SMAP1: variants seen among roughly 807,000 people sequenced by gnomAD.
SMAP1 encodes the protein stromal membrane-associated protein 1.
A neutral mutation model predicts 58.5 loss-of-function variants in SMAP1; 24 were observed. That is an observed-to-expected ratio of 0.41 (90% CI 0.30 to 0.58). SMAP1 has a LOEUF of 0.58. SMAP1 is among the 20% of genes least tolerant of loss of function. The probability of loss-of-function intolerance (pLI) is 0.29; values close to 1 mark genes in which losing one functional copy is unlikely to be tolerated. For synonymous variants in SMAP1, 216 were observed against 196.6 expected (o/e 1.10, Z -0.82); for missense variants, 563 against 566.3 (o/e 0.99, Z 0.06).
intron 5 of SMAP1, among the ~76,000 whole-genome samples, chr6:70,792,660 C>T (rs1419979017): frequency 6.6e-6 from 1 of 151,934 alleles, no homozygotes; most frequent in Non-Finnish European, 1.5e-5. Flanking sequence ...TGGAAACTAG[C>T]CTGTGAAAAA....
intron 6 of SMAP1, among the ~76,000 whole-genome samples, chr6:70,834,128 T>A (rs186059379): frequency 2.1e-3 from 318 of 152,318 alleles, no homozygotes; most frequent in Admixed American, 3.0e-3. Context: ...TCAATTTAGC[T>A]TTTTCTTTCC....
intron 3 of SMAP1, among the ~76,000 whole-genome samples, chr6:70,765,716 A>G (rs1287613288): frequency 6.6e-6 from 1 of 151,422 alleles, no homozygotes; most frequent in Non-Finnish European, 1.5e-5. Flanking sequence ...ATTTGTATTC[A>G]CTTTTCTTTT....
intron 1 of SMAP1, among the ~76,000 whole-genome samples, chr6:70,709,713 T>C (rs1406519397): frequency 1.3e-5 from 2 of 152,216 alleles, no homozygotes; most frequent in Non-Finnish European, 2.9e-5. Flanking sequence ...TTTTGTGGTT[T>C]CATACAAATT....
intron 1 of SMAP1, among the ~76,000 whole-genome samples, chr6:70,673,027 T>C (rs750302627): frequency 4.6e-5 from 7 of 151,982 alleles, no homozygotes; most frequent in Non-Finnish European, 1.0e-4. Flanking sequence ...TTAGGAGATG[T>C]TGAACAGTGG....
At chr6:70,763,332 G>A (rs989892041) in intron 3 of SMAP1, among the ~76,000 whole-genome samples, 7 of 151,810 alleles carry the variant, frequency 4.6e-5, no homozygotes, top group South Asian at 2.1e-4. Context: ...TCAGGGCACT[G>A]GGAACTGCAC....
At chr6:70,813,527 C>T (rs1158608227) in intron 6 of SMAP1, among the ~76,000 whole-genome samples, 1 of 151,992 alleles carries the variant, frequency 6.6e-6, no homozygotes, top group Non-Finnish European at 1.5e-5. Flanking sequence ...ATTATGTTTT[C>T]ATAATTATTC....
intron 4 of SMAP1, among the ~76,000 whole-genome samples, chr6:70,790,159 G>GA (rs1768281236): frequency 6.6e-6 from 1 of 151,082 alleles, no homozygotes; most frequent in African/African-American, 2.4e-5. Context: ...TTATTTTTTT[G>GA]AGACGGAGTC....
intron 2 of SMAP1, among the ~76,000 whole-genome samples, chr6:70,741,774 A>G (rs556778549): frequency 8.5e-5 from 13 of 152,276 alleles, no homozygotes; most frequent in Non-Finnish European, 2.9e-5. Context: ...CACCCCTGCA[A>G]CAAACTTCTG....
chr6:70,683,949 A>G (rs554460497), intron 1 of SMAP1, among the ~76,000 whole-genome samples: 4 of 152,356 alleles, frequency 2.6e-5, no homozygotes, highest in African/African-American at 9.6e-5. Flanking sequence ...TGACCTTCAC[A>G]AAAGATAGCA....
intron 1 of SMAP1, among the ~76,000 whole-genome samples, chr6:70,719,787 CTTA>C (rs1768438201): frequency 6.6e-6 from 1 of 152,148 alleles, no homozygotes; most frequent in Admixed American, 6.6e-5. Context: ...TCTCATGAGA[CTTA>C]TTAACTATAA....
At chr6:70,766,500 T>C (rs1766992397) in intron 3 of SMAP1, among the ~76,000 whole-genome samples, 2 of 152,224 alleles carry the variant, frequency 1.3e-5, no homozygotes, top group South Asian at 4.1e-4. Context: ...CAGGCAGTGA[T>C]GGTGAGCATT....
intron 4 of SMAP1, among the ~76,000 whole-genome samples, chr6:70,774,960 A>C (rs1467211107): frequency 6.6e-6 from 1 of 151,710 alleles, no homozygotes; most frequent in African/African-American, 2.4e-5. Context: ...CAGTGAGCTG[A>C]GATTGAGCCA....
intron 1 of SMAP1, among the ~76,000 whole-genome samples, chr6:70,695,029 TTATC>T (rs1767341343): frequency 6.6e-6 from 1 of 152,046 alleles, no homozygotes; most frequent in Non-Finnish European, 1.5e-5. Flanking sequence ...TCAAGTTTAT[TTATC>T]TCATTGTATT....
chr6:70,710,462 C>A (rs182435340), intron 1 of SMAP1, among the ~76,000 whole-genome samples: 183 of 146,972 alleles, frequency 1.2e-3, no homozygotes, highest in Middle Eastern at 7.1e-3. Flanking sequence ...ACTGCACACT[C>A]CAGCCTGGTG....
intron 5 of SMAP1, 63 bp downstream of exon 5, chr6:70,791,832 C>T (rs1356374303): frequency 2.2e-6 from 3 of 1,377,884 alleles, no homozygotes; most frequent in Admixed American, 1.8e-5. Context: ...CTTCCTTTTG[C>T]AGTGTGTCAT....
At chr6:70,720,459 C>A (rs2149846404) in intron 1 of SMAP1, among the ~76,000 whole-genome samples, 1 of 152,262 alleles carries the variant, frequency 6.6e-6, no homozygotes, top group Admixed American at 6.5e-5. Context: ...ATTCTGGGAT[C>A]TGGAGGATGG....
At chr6:70,831,747 T>C (rs1770368352) in intron 6 of SMAP1, among the ~76,000 whole-genome samples, 1 of 152,204 alleles carries the variant, frequency 6.6e-6, no homozygotes, top group South Asian at 2.1e-4. Flanking sequence ...TATGTATTTA[T>C]GGTAGAACAA....
chr6:70,770,495 C>G (rs908269875), intron 3 of SMAP1, among the ~76,000 whole-genome samples: 3 of 152,168 alleles, frequency 2.0e-5, no homozygotes, highest in African/African-American at 7.2e-5. Flanking sequence ...TCATTTCATT[C>G]ATTTCGTCTT....
intron 1 of SMAP1, among the ~76,000 whole-genome samples, chr6:70,709,807 A>C (rs1376103096): frequency 6.6e-6 from 1 of 152,128 alleles, no homozygotes; most frequent in Non-Finnish European, 1.5e-5. Flanking sequence ...GGACATTTTA[A>C]TAATATAATT....
Sources: gnomAD v4.1 joint callset for allele counts (sites outside exome capture counted in the v4.1 genomes callset) on GRCh38, gnomAD v4.1.1 for gene constraint, MANE v1.5 for transcripts, NCBI Gene and HGNC (gene_info 2026-07-23, HGNC 2026-07-21) for gene names.